The following PTAR1 variants were observed in gnomAD, a reference collection of about 807,000 sequenced individuals.
PTAR1 encodes the protein protein prenyltransferase alpha subunit repeat-containing protein 1.
A neutral mutation model predicts 45.5 loss-of-function variants in PTAR1; 17 were observed. The ratio of observed to expected loss-of-function variants is 0.37; its 90% CI spans 0.26 to 0.56. The LOEUF (loss-of-function observed/expected upper bound fraction) is 0.56. PTAR1 is among the 20% of genes least tolerant of loss of function. PTAR1 has a pLI of 0.77. For missense variants in PTAR1, 391 were observed against 476.3 expected, an observed-to-expected ratio of 0.82 and a Z score of 1.67; for synonymous variants, 169 against 171.3, an observed-to-expected ratio of 0.99 and a Z score of 0.11.
intron 5 of PTAR1, 112 bp downstream of exon 5, chr9:69,732,027 T>G (rs1825561098): frequency 1.4e-6 from 1 of 710,692 alleles, no homozygotes; most frequent in East Asian, 2.7e-5. Context: ...TTCTCTCAAG[T>G]TGCCAGACCA....
rs1307664969 is a variant in PTAR1 at position 69,750,907 on chromosome 9, G to A, written c.130C>T (p.Arg44Trp). 24 of 1,607,858 alleles carry A rather than the reference G, an allele frequency of 1.5e-5. No homozygotes were observed. The highest frequency in any genetic ancestry group is 2.0e-5 in the Non-Finnish European group (23 of 1,177,014). ...TTTTCAACCAGGACTATGGGACTCC[G>A]GTTATACCTAGCTTCAGGACATGGG... ...LIPCPEARYN[R>W]SPIVLVENKL... The change falls in exon 2 of 8, where the codon CGG becomes TGG. Residue 44 changes from arginine (R) to tryptophan (W), a missense_variant. Coordinates refer to ENST00000340434, the MANE Select transcript of PTAR1 (RefSeq NM_001099666.2).
rs941916921 is a variant in PTAR1 at position 69,716,655 on chromosome 9, T to C, written c.*1687A>G. The C allele has an allele frequency of 2.6e-5, 4 of 152,268 alleles. No homozygotes were observed. Among genetic ancestry groups the C allele is most frequent in the African/African-American group, 9.6e-5 (4 of 41,550 alleles). The allele number at this position is 152,268 out of a possible 1,614,324, so 9.4% of individuals were successfully genotyped here. A position where few individuals can be genotyped will look rare whatever the true frequency, so the allele number is the denominator to read the frequency against. On this transcript the variant is annotated 3_prime_UTR_variant, in exon 8 of 8. Coordinates refer to ENST00000340434, the MANE Select transcript of PTAR1 (RefSeq NM_001099666.2). ...ACATCTTTATCCCCACTTTACAAAT[T>C]ACCTAGCAAGTAAAAAGAACAACAG...
rs550881057 is a variant in PTAR1, at chr9:69,715,826, A to T, written c.*2516T>A. 1 of 152,268 alleles carries T rather than the reference A, an allele frequency of 6.6e-6. No individual in the cohort carries two copies. The highest frequency in any genetic ancestry group is 2.1e-4 in the South Asian group (1 of 4,832). 9.4% of individuals were successfully genotyped at this position (152,268 alleles called of 1,614,324 possible). A position where few individuals can be genotyped will look rare whatever the true frequency, so the allele number is the denominator to read the frequency against. ...TGTGAATGAACAATTAAAAAATGCAAACTCTAGAAATAAAGCAGCACACAA... is the reference window on the plus strand; with the variant it reads ...TGTGAATGAACAATTAAAAAATGCATACTCTAGAAATAAAGCAGCACACAA... On this transcript the variant is annotated 3_prime_UTR_variant, in exon 8 of 8. Transcript: ENST00000340434.
At position 69,719,824 on chromosome 9, in the gene PTAR1, A is replaced by G. The variant is rs532423612; in HGVS notation, c.948-1140T>C. On this transcript the variant is annotated intron_variant, in intron 6 of 7. Coordinates refer to ENST00000340434, the MANE Select transcript of PTAR1 (RefSeq NM_001099666.2). ...TATTTCAAACTTTTTCAAGATTATT[A>G]TATCTGTTATGTGATCTGTGATCAG... Among the ~76,000 whole-genome samples, 34 of 152,264 alleles carry G rather than the reference A, an allele frequency of 2.2e-4. 1 individual carries two copies. Among genetic ancestry groups the G allele is most frequent in the South Asian group, 1.0e-3 (5 of 4,828 alleles).
intron 6 of PTAR1, among the ~76,000 whole-genome samples, chr9:69,719,670 C>G (rs1824895192): frequency 1.3e-5 from 2 of 152,112 alleles, no homozygotes; most frequent in South Asian, 4.1e-4. Flanking sequence ...CTCTAATGTG[C>G]TTTGCAGATA....
At chr9:69,718,772 C>T in intron 6 of PTAR1, 88 bp from the exon 7 acceptor site, 2 of 1,007,564 alleles carry the variant, frequency 2.0e-6, no homozygotes, top group Non-Finnish European at 1.4e-6. Flanking sequence ...AATTTCAAAA[C>T]ATACAGTATT....
At position 69,711,386 on chromosome 9, in the gene PTAR1, A is replaced by C. The variant is rs1248312753; in HGVS notation, c.*6956T>G. 1.3e-5 allele frequency: 2 copies of C among 152,180 alleles called. No individual in the cohort carries two copies. Among genetic ancestry groups the C allele is most frequent in the Non-Finnish European group, 2.9e-5 (2 of 68,020 alleles). The allele number at this position is 152,180 out of a possible 1,614,324, so 9.4% of individuals were successfully genotyped here. A position where few individuals can be genotyped will look rare whatever the true frequency, so the allele number is the denominator to read the frequency against. On this transcript the variant is annotated 3_prime_UTR_variant, in exon 8 of 8. Transcript: ENST00000340434. ...TTATAAAACTGTTTAATCTTTTTAC[A>C]TTAGGTAAACTCTGTCAAAAATGCT...
At chr9:69,746,457 T>C (rs919466688) in intron 2 of PTAR1, among the ~76,000 whole-genome samples, 2 of 152,208 alleles carry the variant, frequency 1.3e-5, no homozygotes, top group African/African-American at 2.4e-5. Context: ...AGGTCAGGAC[T>C]GAACCAAAGA....
intron 1 of PTAR1, among the ~76,000 whole-genome samples, chr9:69,756,217 G>A (rs1005871180): frequency 6.6e-6 from 1 of 152,138 alleles, no homozygotes; most frequent in African/African-American, 2.4e-5. Context: ...CCTACCCATT[G>A]CCTTAGAAGT....
chr9:69,731,143 G>C (rs1564133003), intron 5 of PTAR1, among the ~76,000 whole-genome samples: 1 of 152,060 alleles, frequency 6.6e-6, no homozygotes, highest in Non-Finnish European at 1.5e-5. Flanking sequence ...CAGAATTATT[G>C]GCTTAAAATC....
rs750118293 is a variant in PTAR1, at chr9:69,718,127, T to C, written c.*215A>G. 1.6e-4 allele frequency: 73 copies of C among 453,376 alleles called. No individual in the cohort carries two copies. The highest frequency in any genetic ancestry group is 1.8e-4 in the Non-Finnish European group (46 of 255,706). The allele number at this position is 453,376 out of a possible 1,614,324, so 28.1% of individuals were successfully genotyped here. A position where few individuals can be genotyped will look rare whatever the true frequency, so the allele number is the denominator to read the frequency against. On this transcript the variant is annotated 3_prime_UTR_variant, in exon 8 of 8. Coordinates refer to ENST00000340434, the MANE Select transcript of PTAR1 (RefSeq NM_001099666.2). ...TAAACAGAAAATTTAAGACTCGCTG[T>C]TCAGCAGGAAGGAACTATACGATTA...
rs1034493031 is a variant in PTAR1, at chr9:69,722,888, G to A, written c.947+438C>T. On this transcript the variant is annotated intron_variant, in intron 6 of 7. Transcript: ENST00000340434. The stretch of plus-strand genomic sequence containing the variant: ...TTGGAGGCCGAGATTGCAGTGAGCC[G>A]AGATCGCGCTATTGCACTCCAGCCT... 1.0e-4 allele frequency among the ~76,000 whole-genome samples: 15 copies of A among 145,842 alleles called. No individual in the cohort carries two copies. The East Asian group carries it at 1.8e-3, about 18-fold the overall frequency.
At chr9:69,751,012 C>A (rs1826504572) in intron 1 of PTAR1, 62 bp from the exon 2 acceptor site, 1 of 1,192,490 alleles carries the variant, frequency 8.4e-7, no homozygotes, top group African/African-American at 1.6e-5. Context: ...CAACATTTTT[C>A]TAATTTCAGA....
chr9:69,748,091 T>C (rs10217776), intron 2 of PTAR1, among the ~76,000 whole-genome samples: 144,321 of 152,276 alleles, frequency 0.95, 68,407 homozygotes, highest in Middle Eastern at 0.99. Context: ...AGGGGTAGAC[T>C]GGTTATGAGG....
At chr9:69,759,828 G>T in intron 1 of PTAR1, 25 bp downstream of exon 1, 1 of 1,511,888 alleles carries the variant, frequency 6.6e-7, no homozygotes, top group South Asian at 1.2e-5. Flanking sequence ...ACGACCCTCG[G>T]AGGCGGCGGA....
At chr9:69,751,044 T>C (rs922693811) in intron 1 of PTAR1, 94 bp from the exon 2 acceptor site, 7 of 854,162 alleles carry the variant, frequency 8.2e-6, no homozygotes, top group East Asian at 8.0e-5. Flanking sequence ...ACCCCACATA[T>C]TTCCCCCTTC....
intron 5 of PTAR1, among the ~76,000 whole-genome samples, chr9:69,724,390 T>A (rs1298872986): frequency 1.3e-5 from 2 of 152,216 alleles, no homozygotes; most frequent in African/African-American, 4.8e-5. Flanking sequence ...ATAATTTATT[T>A]GAGAGTGTCT....
chr9:69,729,440 G>A (rs1485132990), intron 5 of PTAR1, among the ~76,000 whole-genome samples: 1 of 152,112 alleles, frequency 6.6e-6, no homozygotes, highest in Non-Finnish European at 1.5e-5. Flanking sequence ...CCAATGTGAT[G>A]GATTGTAATC....
Position 69,709,889 on chromosome 9 carries a change from T to G in PTAR1, c.*8453A>C, listed in dbSNP as rs1411506609. On this transcript the variant is annotated 3_prime_UTR_variant, in exon 8 of 8. Coordinates refer to ENST00000340434, the MANE Select transcript of PTAR1 (RefSeq NM_001099666.2). ...CAGGACAGAATTTAGTGAACGCAAC[T>G]TAAAAATTTGTTAATGTAGTATAAT... is the stretch of plus-strand genomic sequence containing the variant. The G allele has an allele frequency of 6.6e-6, 1 of 152,142 alleles. No homozygotes were observed. The highest frequency in any genetic ancestry group is 2.4e-5 in the African/African-American group (1 of 41,456). 9.4% of individuals were successfully genotyped at this position (152,142 alleles called of 1,614,324 possible). A position where few individuals can be genotyped will look rare whatever the true frequency, so the allele number is the denominator to read the frequency against.
Sources: gnomAD v4.1 joint callset for allele counts (sites outside exome capture counted in the v4.1 genomes callset) on GRCh38, gnomAD v4.1.1 for gene constraint, MANE v1.5 for transcripts, NCBI Gene and HGNC (gene_info 2026-07-23, HGNC 2026-07-21) for gene names.